Variants in UGGT1 observed in about 807,000 individuals in gnomAD.
UGGT1 encodes UDP-glucose glycoprotein glucosyltransferase 1.
A neutral mutation model predicts 203.9 loss-of-function variants in UGGT1; 107 were observed. That is an observed-to-expected ratio of 0.52 (90% confidence interval 0.45 to 0.62). The LOEUF is 0.62. UGGT1 is among the 20% of genes least tolerant of loss of function. UGGT1 has a pLI of 0.00. For synonymous variants in UGGT1, 628 were observed against 653.5 expected (o/e 0.96, Z 0.59); for missense variants, 1,673 against 1,867.2 (o/e 0.90, Z 1.92).
rs758867570 is a variant in UGGT1 at position 128,170,272 on chromosome 2, C to G, written c.2922-16C>G. On this transcript the variant is annotated splice_polypyrimidine_tract_variant and intron_variant, in intron 26 of 40. Coordinates refer to ENST00000259253, the MANE Select transcript of UGGT1 (RefSeq NM_020120.4). ...TGTGTCCTCCAGGTTAATGTTTTAT[C>G]CTTGTGATCTTTCAGTGCAATCAAA... 1.7e-5 allele frequency: 27 copies of G among 1,611,732 alleles called. 1 individual carries two copies. In the East Asian group the frequency reaches 6.0e-4, roughly 36 times the overall value.
At chr2:128,153,352 T>A (rs1377107951) in intron 19 of UGGT1, among the ~76,000 whole-genome samples, 1 of 152,202 alleles carries the variant, frequency 6.6e-6, no homozygotes, top group Non-Finnish European at 1.5e-5. Flanking sequence ...ATATGATGTA[T>A]ATGCCATAAA....
At chr2:128,173,684 A>C in intron 29 of UGGT1, 97 bp from the exon 30 acceptor site, 1 of 1,335,942 alleles carries the variant, frequency 7.5e-7, no homozygotes, top group East Asian at 2.4e-5. Context: ...ATATTATGTA[A>C]GTCCTTTTTG....
Position 128,192,796 on chromosome 2 carries a change from C to G in UGGT1, c.*3054C>G, listed in dbSNP as rs191971091. On this transcript the variant is annotated 3_prime_UTR_variant, in exon 41 of 41. Coordinates refer to ENST00000259253, the MANE Select transcript of UGGT1 (RefSeq NM_020120.4). ...TAAAGTTGTACATCTGTCATTGTTG[C>G]ATTTCGAATTGAACACATAGATGCT... 5.6e-4 allele frequency: 85 copies of G among 152,170 alleles called. No individual in the cohort carries two copies. Among genetic ancestry groups the G allele is most frequent in the African/African-American group, 2.0e-3 (85 of 41,524 alleles). The allele number at this position is 152,170 out of a possible 1,614,324, so 9.4% of individuals were successfully genotyped here. A position where few individuals can be genotyped will look rare whatever the true frequency, so the allele number is the denominator to read the frequency against.
intron 9 of UGGT1, 64 bp downstream of exon 9, chr2:128,120,520 G>C: frequency 7.6e-7 from 1 of 1,320,978 alleles, no homozygotes; most frequent in African/African-American, 1.5e-5. Flanking sequence ...TTTAAAAAAT[G>C]CAAAATTTGA....
chr2:128,144,734 T>G (rs562998573), intron 17 of UGGT1, among the ~76,000 whole-genome samples: 1 of 152,234 alleles, frequency 6.6e-6, no homozygotes, highest in Admixed American at 6.5e-5. Context: ...TGTTACCTGT[T>G]ATTGAGCTTG....
At chr2:128,124,299 C>A (rs1183303258) in intron 11 of UGGT1, among the ~76,000 whole-genome samples, 2 of 151,920 alleles carry the variant, frequency 1.3e-5, no homozygotes, top group African/African-American at 4.8e-5. Context: ...GCAGGTTATA[C>A]AATTTTAGGT....
At chr2:128,120,256 G>A in intron 8 of UGGT1, 100 bp from the exon 9 acceptor site, 2 of 1,091,584 alleles carry the variant, frequency 1.8e-6, no homozygotes, top group Non-Finnish European at 2.7e-6. Context: ...ATTTCCTAGG[G>A]TTGGGAGAGG....
At chr2:128,180,157 C>A (rs976133457) in intron 35 of UGGT1, among the ~76,000 whole-genome samples, 3 of 152,204 alleles carry the variant, frequency 2.0e-5, no homozygotes, top group African/African-American at 7.2e-5. Flanking sequence ...AGCCTGCATG[C>A]TTGCTTTAAT....
intron 12 of UGGT1, among the ~76,000 whole-genome samples, chr2:128,128,227 A>G (rs1477532978): frequency 6.6e-6 from 1 of 152,184 alleles, no homozygotes; most frequent in African/African-American, 2.4e-5. Context: ...GCAGACAGGC[A>G]CAATTCAGAC....
chr2:128,145,130 G>A (rs2105463653), intron 17 of UGGT1, among the ~76,000 whole-genome samples: 1 of 152,276 alleles, frequency 6.6e-6, no homozygotes, highest in East Asian at 1.9e-4. Context: ...CACAAACCTT[G>A]TTTTGTTTTC....
intron 39 of UGGT1, 89 bp downstream of exon 39, chr2:128,186,888 T>A (rs1692008621): frequency 2.9e-6 from 3 of 1,037,618 alleles, no homozygotes; most frequent in African/African-American, 3.2e-5. Flanking sequence ...ATTCTTAAAT[T>A]TAAGAATTTC....
intron 32 of UGGT1, 34 bp from the exon 33 acceptor site, chr2:128,177,798 T>A (rs1265408023): frequency 6.4e-7 from 1 of 1,556,464 alleles, no homozygotes; most frequent in Admixed American, 1.9e-5. Flanking sequence ...CTGTGAGACA[T>A]ACTGGGAGTA....
In UGGT1 at chr2:128,180,986, C is replaced by T. The variant is rs752635911; in HGVS notation, c.3997C>T (p.Arg1333Cys). ...RWLHQQTEKQ[R>C]IIWGYKILFL... ...GCTTCATCAACAAACTGAAAAACAGCGTATCATCTGGGGTTACAAGATCCT... is the reference window on the plus strand; with the variant it reads ...GCTTCATCAACAAACTGAAAAACAGTGTATCATCTGGGGTTACAAGATCCT... Residue 1333 changes from arginine (R) to cysteine (C), a missense_variant, in exon 36 of 41, where the codon CGT becomes TGT. Transcript: ENST00000259253. 4 of 1,613,984 alleles carry T rather than the reference C, an allele frequency of 2.5e-6. No homozygotes were observed. Among genetic ancestry groups the T allele is most frequent in the South Asian group, 1.1e-5 (1 of 91,090 alleles).
chr2:128,111,594 C>T (rs951854533), intron 5 of UGGT1, among the ~76,000 whole-genome samples: 2 of 151,984 alleles, frequency 1.3e-5, no homozygotes, highest in Admixed American at 1.3e-4. Flanking sequence ...CAAGCTCCGC[C>T]TCCCAGGTTC....
Position 128,113,096 on chromosome 2 carries a change from A to G in UGGT1, c.534A>G (p.Leu178=), listed in dbSNP as rs887679203. ...TATTTATTTTCAGACCCAAACCTTT[A>G]TTGTTCAAAGGAGATCACAGATATC... The part of the protein sequence containing the change: ...LLTASERPKP[L]LFKGDHRYPS... The change falls in exon 6 of 41, where the codon TTA becomes TTG. Residue 178 remains leucine (L), a synonymous_variant. Coordinates refer to ENST00000259253, the MANE Select transcript of UGGT1 (RefSeq NM_020120.4). 9 of 1,521,314 alleles carry G rather than the reference A, an allele frequency of 5.9e-6. No individual in the cohort carries two copies. The highest frequency in any genetic ancestry group is 4.0e-5 in the South Asian group (3 of 75,358). 94.2% of individuals were successfully genotyped at this position (1,521,314 alleles called of 1,614,324 possible).
intron 18 of UGGT1, chr2:128,151,400 C>G (rs1405121841): frequency 2.6e-6 from 1 of 384,572 alleles, no homozygotes; most frequent in African/African-American, 2.1e-5. Context: ...AAATTCCCCT[C>G]CTTGAACTCG....
rs765167071 is a variant in UGGT1 at position 128,115,080 on chromosome 2, GA to G, written c.697-41del. Reference sequence around the variant, plus strand: ...GTCATGCCATGTACACTGTGACATAGAAAGAGCTAGGTGGTAATGATGGAAT... The same window carrying G: ...GTCATGCCATGTACACTGTGACATAGAAGAGCTAGGTGGTAATGATGGAAT... On this transcript the variant is annotated intron_variant, in intron 6 of 40. Transcript: ENST00000259253. 43 of 1,576,112 alleles carry G rather than the reference GA, an allele frequency of 2.7e-5. 1 individual carries two copies. The highest frequency in any genetic ancestry group is 3.6e-5 in the Non-Finnish European group (41 of 1,146,180).
At chr2:128,150,495 A>G (rs1227931199) in intron 18 of UGGT1, among the ~76,000 whole-genome samples, 1 of 152,126 alleles carries the variant, frequency 6.6e-6, no homozygotes, top group East Asian at 1.9e-4. Context: ...GTAAATGAAG[A>G]GAAACTTTTA....
At chr2:128,154,589 G>T (rs1035620059) in intron 19 of UGGT1, among the ~76,000 whole-genome samples, 1 of 152,074 alleles carries the variant, frequency 6.6e-6, no homozygotes, top group East Asian at 1.9e-4. Context: ...ATTTTTATCG[G>T]CATGGTGTGC....
Sources: allele counts gnomAD v4.1 joint callset (sites outside exome capture counted in the v4.1 genomes callset), GRCh38; gene constraint gnomAD v4.1.1; transcripts MANE v1.5; gene names NCBI Gene and HGNC (gene_info 2026-07-23, HGNC 2026-07-21).